The following SEMA3C variants were observed in gnomAD, a reference collection of about 807,000 sequenced individuals.
SEMA3C encodes semaphorin 3C.
SEMA3C carries 47 observed loss-of-function variants against 89.4 expected under a neutral mutation model. The ratio of observed to expected loss-of-function variants is 0.53; its 90% confidence interval spans 0.42 to 0.67. The LOEUF (loss-of-function observed/expected upper bound fraction) is 0.67, where lower values mean the gene tolerates loss of function less well. Among genes scored for constraint, SEMA3C ranks in the 30% least tolerant of loss-of-function variants. The pLI, the probability that SEMA3C is intolerant of heterozygous loss-of-function variation, is 0.00. For missense variants in SEMA3C, 839 were observed against 929.1 expected, an observed-to-expected ratio of 0.90 and a Z score of 1.26; for synonymous variants, 310 against 320.2, an observed-to-expected ratio of 0.97 and a Z score of 0.34.
intron 2 of SEMA3C, among the ~76,000 whole-genome samples, chr7:80,887,215 G>A (rs1302071332): frequency 6.6e-6 from 1 of 152,086 alleles, no homozygotes; most frequent in African/African-American, 2.4e-5. Flanking sequence ...TGTCTGCAAA[G>A]TTTTAACAGT....
At chr7:80,884,978 C>G (rs1448824232) in intron 2 of SEMA3C, among the ~76,000 whole-genome samples, 3 of 152,122 alleles carry the variant, frequency 2.0e-5, no homozygotes, top group Middle Eastern at 3.2e-3. Context: ...TTGGTTCCCA[C>G]AAAGTACAAG....
At chr7:80,893,427 C>G (rs1176790928) in intron 2 of SEMA3C, among the ~76,000 whole-genome samples, 2 of 152,280 alleles carry the variant, frequency 1.3e-5, no homozygotes, top group South Asian at 2.1e-4. Context: ...TGTACTCTTT[C>G]CAGGTACAAC....
intron 4 of SEMA3C, among the ~76,000 whole-genome samples, chr7:80,822,246 T>C (rs935979860): frequency 6.6e-6 from 1 of 152,024 alleles, no homozygotes; most frequent in South Asian, 2.1e-4. Context: ...AAATGTACCG[T>C]AGAAGGAAAG....
In SEMA3C at chr7:80,849,394, A is replaced by G. The variant is rs538423458; in HGVS notation, c.104-20649T>C. On this transcript the variant is annotated intron_variant, in intron 2 of 17. Transcript: ENST00000265361. ...ATTGCTGACAAAATACTTTTCCTTA[A>G]TTGTAAATCCTTAATATTTTGTTTT... is the stretch of plus-strand genomic sequence containing the variant. 2.6e-5 allele frequency among the ~76,000 whole-genome samples: 4 copies of G among 152,232 alleles called. No individual in the cohort carries two copies. In the East Asian group the frequency reaches 7.8e-4, roughly 30 times the overall value.
intron 11 of SEMA3C, among the ~76,000 whole-genome samples, chr7:80,792,064 C>T (rs566068430): frequency 7.8e-4 from 119 of 152,246 alleles, no homozygotes; most frequent in African/African-American, 2.5e-3. Context: ...AGTAATAAAA[C>T]GAAACCTCTC....
At chr7:80,760,402 A>C (rs1788158886) in intron 14 of SEMA3C, among the ~76,000 whole-genome samples, 1 of 152,200 alleles carries the variant, frequency 6.6e-6, no homozygotes, top group African/African-American at 2.4e-5. Flanking sequence ...CTGACTTCAA[A>C]GACAATCCTG....
At chr7:80,771,755 G>A (rs1788439837) in intron 12 of SEMA3C, among the ~76,000 whole-genome samples, 1 of 151,974 alleles carries the variant, frequency 6.6e-6, no homozygotes, top group Non-Finnish European at 1.5e-5. Flanking sequence ...GAGGGATTTG[G>A]GGGAACACTG....
intron 1 of SEMA3C, among the ~76,000 whole-genome samples, chr7:80,917,999 A>G (rs80306998): frequency 0.034 from 5,210 of 152,320 alleles, 125 homozygotes; most frequent in Middle Eastern, 0.068. Flanking sequence ...TGAGAGTTAG[A>G]AATGAAATTG....
chr7:80,805,603 G>A (rs1290871165), intron 7 of SEMA3C, 36 bp downstream of exon 7: 9 of 1,564,742 alleles, frequency 5.8e-6, no homozygotes, highest in South Asian at 4.8e-5. Context: ...AGTTTAACAC[G>A]ATACTAAAAA....
chr7:80,778,250 C>G (rs981747795), intron 12 of SEMA3C, among the ~76,000 whole-genome samples: 1 of 152,118 alleles, frequency 6.6e-6, no homozygotes, highest in African/African-American at 2.4e-5. Context: ...ATTCCTGTTT[C>G]TTTACATTAA....
chr7:80,818,550 G>C (rs1328251895), intron 4 of SEMA3C, 132 bp from the exon 5 acceptor site: 6 of 963,548 alleles, frequency 6.2e-6, no homozygotes, highest in Non-Finnish European at 8.9e-6. Flanking sequence ...ATTAGTCCAG[G>C]GGCGTCCAAT....
At chr7:80,919,478 G>C, upstream of SEMA3C, 1 of 692,972 alleles carries the variant, frequency 1.4e-6, no homozygotes, top group Non-Finnish European at 1.8e-6. Flanking sequence ...TTTTATTTTT[G>C]CCAGGGAAGG....
chr7:80,857,364 A>G (rs1040507594), intron 2 of SEMA3C, among the ~76,000 whole-genome samples: 2 of 152,210 alleles, frequency 1.3e-5, no homozygotes, highest in African/African-American at 4.8e-5. Flanking sequence ...AATACTGTGT[A>G]AGAATTTAGC....
chr7:80,854,670 C>A (rs1790593409), intron 2 of SEMA3C, among the ~76,000 whole-genome samples: 1 of 152,120 alleles, frequency 6.6e-6, no homozygotes, highest in African/African-American at 2.4e-5. Flanking sequence ...TAATGAGCGG[C>A]CATCTGGGCT....
At chr7:80,854,931 A>T (rs1230745507) in intron 2 of SEMA3C, among the ~76,000 whole-genome samples, 1 of 152,222 alleles carries the variant, frequency 6.6e-6, no homozygotes, top group Non-Finnish European at 1.5e-5. Flanking sequence ...AGATGTAACC[A>T]GATTTTTGCC....
At chr7:80,864,245 A>G (rs1216794742) in intron 2 of SEMA3C, among the ~76,000 whole-genome samples, 6 of 151,440 alleles carry the variant, frequency 4.0e-5, no homozygotes, top group African/African-American at 1.5e-4. Context: ...ACTTGGGGGG[A>G]AGAGTGAGAG....
chr7:80,784,819 G>A (rs1788766344), intron 12 of SEMA3C, among the ~76,000 whole-genome samples: 1 of 151,984 alleles, frequency 6.6e-6, no homozygotes, highest in Non-Finnish European at 1.5e-5. Context: ...GAGATATTCT[G>A]CTTTTTACTT....
At chr7:80,761,860 T>A (rs1048252946) in intron 13 of SEMA3C, among the ~76,000 whole-genome samples, 9 of 151,974 alleles carry the variant, frequency 5.9e-5, no homozygotes, top group African/African-American at 2.2e-4. Context: ...AGGATAGAGT[T>A]GTTACACAGA....
Position 80,881,103 on chromosome 7 carries a change from A to G in SEMA3C, c.103+35576T>C, listed in dbSNP as rs377566903. ...GCAAGGATGTACGATGTTGTTTCTG[A>G]TAAAGAATGATCTTCTACCAAAAAA... On this transcript the variant is annotated intron_variant, in intron 2 of 17. Coordinates refer to ENST00000265361, the MANE Select transcript of SEMA3C (RefSeq NM_006379.5). Among the ~76,000 whole-genome samples the G allele has an allele frequency of 3.5e-4, 53 of 151,716 alleles. 1 individual carries two copies. Among genetic ancestry groups the G allele is most frequent in the African/African-American group, 1.2e-3 (50 of 41,340 alleles).
Sources: allele counts gnomAD v4.1 joint callset (sites outside exome capture counted in the v4.1 genomes callset), GRCh38; gene constraint gnomAD v4.1.1; transcripts MANE v1.5; gene names NCBI Gene and HGNC (gene_info 2026-07-23, HGNC 2026-07-21).